The following POLH variants were observed in gnomAD, a reference collection of about 807,000 sequenced individuals.
POLH encodes the protein DNA polymerase eta transcript.
Under a neutral mutation model 73.6 loss-of-function variants are expected in POLH, and 53 were observed. That is an observed-to-expected ratio of 0.72 (90% CI 0.58 to 0.91). POLH has a LOEUF of 0.91. Ranked by LOEUF, POLH falls within the 40% of genes least tolerant of loss-of-function variation. The probability of loss-of-function intolerance (pLI) is 0.00; values close to 1 mark genes in which losing one functional copy is unlikely to be tolerated. For synonymous variants in POLH, 292 were observed against 308.5 expected, an observed-to-expected ratio of 0.95 and a Z score of 0.56; for missense variants, 768 against 865.4, an observed-to-expected ratio of 0.89 and a Z score of 1.41.
rs1768252223 is a variant in POLH at position 43,615,341 on chromosome 6, T to C, written c.*784T>C. 6.6e-6 allele frequency: 1 copy of C among 151,112 alleles called. No homozygotes were observed. Among genetic ancestry groups the C allele is most frequent in the Non-Finnish European group, 1.5e-5 (1 of 68,092 alleles). The allele number at this position is 151,112 out of a possible 1,614,324, so 9.4% of individuals were successfully genotyped here. A position where few individuals can be genotyped will look rare whatever the true frequency, so the allele number is the denominator to read the frequency against. ...ACTTTGGGAGGCCAAGGCGGGCAGA[T>C]CACGAGGTCAGGAGTTTCAGACCAA... is the stretch of plus-strand genomic sequence containing the variant. On this transcript the variant is annotated 3_prime_UTR_variant, in exon 11 of 11. Coordinates refer to ENST00000372236, the MANE Select transcript of POLH (RefSeq NM_006502.3).
intron 3 of POLH, among the ~76,000 whole-genome samples, chr6:43,585,726 A>G (rs566740642): frequency 6.7e-6 from 1 of 149,372 alleles, no homozygotes; most frequent in African/African-American, 2.5e-5. Context: ...GCTCACCACA[A>G]CCTCCATCTC....
intron 9 of POLH, among the ~76,000 whole-genome samples, chr6:43,609,564 C>A (rs1015766065): frequency 6.6e-6 from 1 of 152,202 alleles, no homozygotes; most frequent in African/African-American, 2.4e-5. Context: ...CATTCAGATG[C>A]TTCAGACTTC....
In POLH at chr6:43,583,128, G is replaced by A. The variant is rs1229108492; in HGVS notation, c.259G>A (p.Ala87Thr). ...ACAAGTTCGTGAGTCCCGTGGGAAAGCTAACCTCACCAAGTAAGAAAAAAA... is the reference window on the plus strand; with the variant it reads ...ACAAGTTCGTGAGTCCCGTGGGAAAACTAACCTCACCAAGTAAGAAAAAAA... ...LAQVRESRGK[A>T]NLTKYREASV... is the part of the protein sequence containing the mutation. The change falls in exon 3 of 11, where the codon GCT (alanine) becomes ACT (threonine). Residue 87 changes from alanine (A) to threonine (T), a missense_variant. Transcript: ENST00000372236. 2.5e-6 allele frequency: 4 copies of A among 1,613,856 alleles called. No homozygotes were observed. The highest frequency in any genetic ancestry group is 3.4e-6 in the Non-Finnish European group (4 of 1,179,938).
intron 3 of POLH, among the ~76,000 whole-genome samples, chr6:43,584,135 C>T (rs1038512507): frequency 6.6e-6 from 1 of 152,070 alleles, no homozygotes; most frequent in Non-Finnish European, 1.5e-5. Flanking sequence ...AGAGTGAGAC[C>T]CTGTCTCAAG....
chr6:43,607,237 G>C lies in POLH; in HGVS notation c.1074+1918G>C, dbSNP rs148086360. On this transcript the variant is annotated intron_variant, in intron 9 of 10. Coordinates refer to ENST00000372236, the MANE Select transcript of POLH (RefSeq NM_006502.3). ...AGCCTCCCGAGTAGCTGGGATTATA[G>C]GCACGCGCCACCACGCCCAGCTAAT... Among the ~76,000 whole-genome samples the C allele has an allele frequency of 4.4e-4, 67 of 152,292 alleles. No homozygotes were observed. In the East Asian group the frequency reaches 0.012, roughly 26 times the overall value.
At chr6:43,596,210 G>A (rs1389870403) in intron 4 of POLH, among the ~76,000 whole-genome samples, 8 of 152,256 alleles carry the variant, frequency 5.3e-5, no homozygotes, top group South Asian at 2.1e-4. Context: ...CTTGCCAGGC[G>A]CGGTGGCTCA....
At chr6:43,582,706 G>T (rs553025488) in intron 2 of POLH, among the ~76,000 whole-genome samples, 3 of 152,172 alleles carry the variant, frequency 2.0e-5, no homozygotes, top group African/African-American at 7.2e-5. Flanking sequence ...TTTTTGGGGG[G>T]TGGGTAGAGA....
At chr6:43,593,348 A>G (rs1458940827) in intron 4 of POLH, among the ~76,000 whole-genome samples, 1 of 152,236 alleles carries the variant, frequency 6.6e-6, no homozygotes, top group Non-Finnish European at 1.5e-5. Context: ...TAAAATTTGT[A>G]TGGAAATGCA....
intron 3 of POLH, among the ~76,000 whole-genome samples, chr6:43,584,556 G>A (rs1202186649): frequency 1.3e-5 from 2 of 152,142 alleles, no homozygotes; most frequent in Admixed American, 6.6e-5. Context: ...GACCAAAGGT[G>A]TGGAAGTATT....
rs1323220687 is a variant in POLH, at chr6:43,604,687, T to A, written c.957T>A (p.Ile319=). ...AACCCAGGCAACTACCCAAAACCAT[T>A]GGCTGTAGTAAGAACTTCCCAGGAA... ...PVKPRQLPKT[I]GCSKNFPGKT... The change falls in exon 8 of 11, where the codon ATT becomes ATA. Residue 319 remains isoleucine (I), a synonymous_variant. Coordinates refer to ENST00000372236, the MANE Select transcript of POLH (RefSeq NM_006502.3). 6.2e-6 allele frequency: 10 copies of A among 1,614,000 alleles called. No individual in the cohort carries two copies. The highest frequency in any genetic ancestry group is 8.5e-6 in the Non-Finnish European group (10 of 1,179,980).
At chr6:43,600,376 G>A (rs534433426) in intron 5 of POLH, among the ~76,000 whole-genome samples, 3 of 151,506 alleles carry the variant, frequency 2.0e-5, no homozygotes, top group African/African-American at 4.9e-5. Context: ...CCAAGATCAC[G>A]CCACTGCCCT....
chr6:43,590,842 G>A (rs1735882794), intron 4 of POLH: 1 of 150,346 alleles, frequency 6.7e-6, no homozygotes, highest in Admixed American at 6.7e-5. Context: ...AGAATCACTT[G>A]AGTCCAGGAG....
chr6:43,606,923 CT>C (rs1279098431), intron 9 of POLH, among the ~76,000 whole-genome samples: 6 of 152,214 alleles, frequency 3.9e-5, no homozygotes, highest in African/African-American at 1.4e-4. Flanking sequence ...CTCCCAGCTA[CT>C]CCCCAGCCCT....
chr6:43,602,490 G>A (rs1165134132), intron 6 of POLH, among the ~76,000 whole-genome samples: 64 of 152,166 alleles, frequency 4.2e-4, no homozygotes, highest in Admixed American at 4.2e-3. Context: ...GACAAAAACA[G>A]CAAAGCAGTA....
Position 43,604,655 on chromosome 6 carries a change from C to CCAGTTAAACCCAGGCAACTACCCA in POLH, c.926_949dup (p.Pro316_Lys317insThrValLysProArgGlnLeuPro), listed in dbSNP as rs763122415. On this transcript the variant is annotated inframe_insertion, in exon 8 of 11. Transcript: ENST00000372236. ...CATGTGCCGAGGGATTGAACATGATCCAGTTAAACCCAGGCAACTACCCAA... is the reference window on the plus strand; with the variant it reads ...CATGTGCCGAGGGATTGAACATGATCCAGTTAAACCCAGGCAACTACCCACAGTTAAACCCAGGCAACTACCCAA... 1.9e-6 allele frequency: 3 copies of CCAGTTAAACCCAGGCAACTACCCA among 1,613,758 alleles called. No homozygotes were observed. The highest frequency in any genetic ancestry group is 2.5e-6 in the Non-Finnish European group (3 of 1,179,826).
At chr6:43,601,786 C>T (rs1432319083) in intron 6 of POLH, among the ~76,000 whole-genome samples, 4 of 150,764 alleles carry the variant, frequency 2.7e-5, no homozygotes, top group Admixed American at 6.6e-5. Flanking sequence ...AGGCCGGGTG[C>T]GGTGGCTCAC....
At chr6:43,610,952 C>T (rs557941299) in intron 10 of POLH, among the ~76,000 whole-genome samples, 8 of 152,072 alleles carry the variant, frequency 5.3e-5, no homozygotes, top group Non-Finnish European at 8.8e-5. Context: ...ATCGGCCGGG[C>T]GCAGTGGCTC....
At chr6:43,598,017 A>C (rs1766285822) in intron 5 of POLH, 152 bp downstream of exon 5, 1 of 711,636 alleles carries the variant, frequency 1.4e-6, no homozygotes, top group African/African-American at 1.8e-5. Flanking sequence ...GTTGAAGAGC[A>C]GCCTGGGAAA....
chr6:43,602,252 G>C (rs1766818364), intron 6 of POLH, among the ~76,000 whole-genome samples: 1 of 152,172 alleles, frequency 6.6e-6, no homozygotes, highest in Non-Finnish European at 1.5e-5. Context: ...AAGAAGCCAA[G>C]TCAAATGAAC....
Sources: allele counts gnomAD v4.1 joint callset (sites outside exome capture counted in the v4.1 genomes callset), GRCh38; gene constraint gnomAD v4.1.1; transcripts MANE v1.5; gene names NCBI Gene and HGNC (gene_info 2026-07-23, HGNC 2026-07-21).